The following ZNF676 variants were observed in gnomAD, a reference collection of about 807,000 sequenced individuals.
The protein encoded by ZNF676 is zinc finger protein 676.
ZNF676 carries 4 observed loss-of-function variants against 6.0 expected under a neutral mutation model. That is an observed-to-expected ratio of 0.67 (90% CI 0.33 to 1.53). The LOEUF is 1.53. ZNF676 is among the 40% of genes most tolerant of loss of function. The pLI is 0.06. For synonymous variants in ZNF676, 198 were observed against 223.1 expected, an observed-to-expected ratio of 0.89 and a Z score of 1.00; for missense variants, 644 against 679.7, an observed-to-expected ratio of 0.95 and a Z score of 0.58.
At chr19:22,199,248 T>C (rs757070993), upstream of ZNF676, among the ~76,000 whole-genome samples, 3 of 152,198 alleles carry the variant, frequency 2.0e-5, no homozygotes, top group Admixed American at 6.6e-5. Context: ...AATAATGATG[T>C]TGCTCCCACT....
At chr19:22,233,392 T>A in the ZNF676 span, among the ~76,000 whole-genome samples, 1 of 152,178 alleles carries the variant, frequency 6.6e-6, no homozygotes, top group Non-Finnish European at 1.5e-5. Context: ...TTTGTATACA[T>A]TGTAATCTTT....
At chr19:22,241,299 G>A in the ZNF676 span, among the ~76,000 whole-genome samples, 1 of 151,834 alleles carries the variant, frequency 6.6e-6, no homozygotes, top group East Asian at 1.9e-4. Context: ...TGTAGGTTTG[G>A]TTTAAGTACC....
chr19:22,256,582 G>A, the ZNF676 span, among the ~76,000 whole-genome samples: 5 of 152,162 alleles, frequency 3.3e-5, no homozygotes, highest in Non-Finnish European at 7.3e-5. Flanking sequence ...CACTGGTAAT[G>A]GATGCAGAGA....
upstream of ZNF676, among the ~76,000 whole-genome samples, chr19:22,198,268 T>G (rs779089908): frequency 3.9e-5 from 6 of 152,214 alleles, no homozygotes; most frequent in Non-Finnish European, 7.4e-5. Flanking sequence ...TTGCAGATTA[T>G]AAATTCATAG....
At chr19:22,222,890 T>C in the ZNF676 span, among the ~76,000 whole-genome samples, 1 of 152,204 alleles carries the variant, frequency 6.6e-6, no homozygotes, top group Non-Finnish European at 1.5e-5. Context: ...TGCAGTCAGA[T>C]CTGCATATGG....
the ZNF676 span, among the ~76,000 whole-genome samples, chr19:22,257,850 G>T: frequency 1.3e-5 from 2 of 152,156 alleles, no homozygotes; most frequent in Admixed American, 1.3e-4. Context: ...GCCCTCAGGT[G>T]CGTAGGGCTT....
the ZNF676 span, among the ~76,000 whole-genome samples, chr19:22,258,062 A>G: frequency 6.6e-6 from 1 of 152,160 alleles, no homozygotes; most frequent in African/African-American, 2.4e-5. Context: ...GAAATCAGAA[A>G]TATGTCAAAA....
chr19:22,246,758 C>T, the ZNF676 span, among the ~76,000 whole-genome samples: 4 of 152,190 alleles, frequency 2.6e-5, no homozygotes, highest in African/African-American at 9.6e-5. Context: ...TGTGTGAGGT[C>T]CAGTGATAAG....
At chr19:22,228,815 T>A in the ZNF676 span, among the ~76,000 whole-genome samples, 1 of 152,170 alleles carries the variant, frequency 6.6e-6, no homozygotes, top group African/African-American at 2.4e-5. Flanking sequence ...GAAGGACCTT[T>A]TCAAGGAGAG....
intron 2 of ZNF676, among the ~76,000 whole-genome samples, chr19:22,191,138 G>C (rs756100166): frequency 3.9e-5 from 6 of 152,158 alleles, no homozygotes; most frequent in Non-Finnish European, 8.8e-5. Context: ...GGGTTATGTA[G>C]TGAGACCTTA....
the ZNF676 span, among the ~76,000 whole-genome samples, chr19:22,256,759 T>C: frequency 6.6e-6 from 1 of 151,954 alleles, no homozygotes; most frequent in African/African-American, 2.4e-5. Flanking sequence ...TCCCCTTTTA[T>C]TGGCAGGGCC....
At chr19:22,256,227 C>G in the ZNF676 span, among the ~76,000 whole-genome samples, 1 of 152,222 alleles carries the variant, frequency 6.6e-6, no homozygotes, top group Admixed American at 6.5e-5. Context: ...GAGTCATCAT[C>G]TCACCTGTGA....
chr19:22,253,476 G>T, the ZNF676 span, among the ~76,000 whole-genome samples: 3 of 129,640 alleles, frequency 2.3e-5, no homozygotes, highest in East Asian at 2.4e-4. Flanking sequence ...GTATATATAT[G>T]ATAATTTGCA....
chr19:22,203,222 C>A (rs191520308), intron 1 of ZNF676: 66 of 158,224 alleles, frequency 4.2e-4, no homozygotes, highest in Non-Finnish European at 7.1e-4. Flanking sequence ...ACTGTTTCAG[C>A]CTCAGTTTTT....
chr19:22,212,735 G>A (rs1232985104), intron 1 of ZNF676, among the ~76,000 whole-genome samples: 4 of 149,240 alleles, frequency 2.7e-5, no homozygotes, highest in African/African-American at 9.9e-5. Flanking sequence ...GGTGGCTCAC[G>A]TCTGTAATCC....
At position 22,179,805 on chromosome 19, in the gene ZNF676, A is replaced by C; in HGVS notation, c.*145T>G. ...GTTTGTAGTGTTTCTCTCCAGCATG[A>C]ATTTTCTTATGTGTAATAAAGATTG... On this transcript the variant is annotated 3_prime_UTR_variant, in exon 3 of 3. Transcript: ENST00000397121. The C allele has an allele frequency of 2.0e-6, 2 of 985,416 alleles. 1 individual carries two copies. Among genetic ancestry groups the C allele is most frequent in the Non-Finnish European group, 3.2e-6 (2 of 632,230 alleles). 61.0% of individuals were successfully genotyped at this position (985,416 alleles called of 1,614,324 possible).
the ZNF676 span, among the ~76,000 whole-genome samples, chr19:22,241,101 A>AGGAG: frequency 6.6e-5 from 10 of 151,940 alleles, no homozygotes; most frequent in Non-Finnish European, 1.5e-4. Context: ...AGAATAGGTC[A>AGGAG]CATCAGCTAA....
At chr19:22,200,515 A>ATTTTTTTTTTTTTTTTTTTTTTTTTTT (rs3035052), upstream of ZNF676, among the ~76,000 whole-genome samples, 1 of 105,850 alleles carries the variant, frequency 9.4e-6, no homozygotes, top group Admixed American at 1.2e-4. Context: ...TGCTTCATCA[A>ATTTTTTTTTTTTTTTTTTTTTTTTTTT]TTTTTTTTTT....
At chr19:22,209,529 A>G (rs2024109924) in intron 1 of ZNF676, among the ~76,000 whole-genome samples, 1 of 152,120 alleles carries the variant, frequency 6.6e-6, no homozygotes, top group Non-Finnish European at 1.5e-5. Flanking sequence ...GGTCAGAAAA[A>G]GTACATTTTT....
Sources: gnomAD v4.1 joint callset for allele counts (sites outside exome capture counted in the v4.1 genomes callset) on GRCh38, gnomAD v4.1.1 for gene constraint, MANE v1.5 for transcripts, NCBI Gene and HGNC (gene_info 2026-07-23, HGNC 2026-07-21) for gene names.